The following CDC42BPA variants were observed in gnomAD, a reference collection of about 807,000 sequenced individuals.
CDC42BPA encodes serine/threonine-protein kinase MRCK alpha.
Under a neutral mutation model 223.5 loss-of-function variants are expected in CDC42BPA, and 80 were observed. The observed-to-expected ratio is 0.36, with a 90% confidence interval of 0.30 to 0.43. The LOEUF (loss-of-function observed/expected upper bound fraction) is 0.43. CDC42BPA is among the 20% of genes least tolerant of loss of function. CDC42BPA has a pLI of 1.00. For synonymous variants in CDC42BPA, 694 were observed against 718.6 expected (o/e 0.97, Z 0.55); for missense variants, 1,743 against 2,099.9 (o/e 0.83, Z 3.32).
chr1:227,213,191 T>A lies in CDC42BPA; in HGVS notation c.299A>T (p.Asp100Val), dbSNP rs1674234715. ...EVAVVKLKNA[D>V]KVFAMKILNK... ...CAATATTTTCATGGCAAACACTTTA[T>A]CTGCATTTTTTAGTTTTACTACAGC... Residue 100 changes from aspartate to valine, a missense_variant, in exon 3 of 37, where the codon GAT (aspartate) becomes GTT (valine). This residue lies in a region of CDC42BPA where 321 missense variants were observed against 488.7 expected (regional missense o/e 0.66). Coordinates refer to ENST00000366766, the MANE Select transcript of CDC42BPA (RefSeq NM_001394014.1). 3.8e-6 allele frequency: 6 copies of A among 1,569,810 alleles called. No homozygotes were observed. Among genetic ancestry groups the A allele is most frequent in the Non-Finnish European group, 5.2e-6 (6 of 1,147,228 alleles).
chr1:227,258,028 G>A (rs1294219062), intron 1 of CDC42BPA, among the ~76,000 whole-genome samples: 3 of 150,268 alleles, frequency 2.0e-5, no homozygotes, highest in South Asian at 4.2e-4. Flanking sequence ...TATAAAAATC[G>A]GCCAGACACG....
At chr1:227,200,168 C>T (rs1355937709) in intron 3 of CDC42BPA, among the ~76,000 whole-genome samples, 13 of 152,102 alleles carry the variant, frequency 8.5e-5, no homozygotes, top group Admixed American at 7.2e-4. Context: ...CAGTGGCTCA[C>T]GCCTATAATC....
At chr1:227,072,431 G>A in intron 19 of CDC42BPA, 132 bp from the exon 20 acceptor site, 1 of 589,452 alleles carries the variant, frequency 1.7e-6, no homozygotes, top group South Asian at 2.1e-5. Context: ...ATTACTGCGG[G>A]AAGAACAAAT....
chr1:227,064,859 A>T (rs1288757109), intron 21 of CDC42BPA, among the ~76,000 whole-genome samples: 2 of 152,130 alleles, frequency 1.3e-5, no homozygotes, highest in Non-Finnish European at 2.9e-5. Flanking sequence ...GCACTTTGGG[A>T]GGCCGAGGTG....
chr1:227,048,137 A>C (rs1672833955), intron 22 of CDC42BPA, 127 bp from the exon 23 acceptor site: 1 of 500,654 alleles, frequency 2.0e-6, no homozygotes, highest in East Asian at 3.1e-5. Flanking sequence ...CTAATTAATA[A>C]TAAAGAAAAC....
intron 10 of CDC42BPA, among the ~76,000 whole-genome samples, chr1:227,129,513 T>C (rs1656542114): frequency 6.6e-6 from 1 of 151,056 alleles, no homozygotes; most frequent in South Asian, 2.1e-4. Flanking sequence ...ACAAAAGATA[T>C]AAAAATTGGC....
At chr1:227,048,752 A>AT (rs1672965617) in intron 22 of CDC42BPA, among the ~76,000 whole-genome samples, 4 of 99,896 alleles carry the variant, frequency 4.0e-5, no homozygotes, top group East Asian at 3.4e-4. Flanking sequence ...CAAAGTAGTG[A>AT]GAAAAAAAAA....
intron 14 of CDC42BPA, among the ~76,000 whole-genome samples, chr1:227,104,201 G>T (rs1362746265): frequency 6.6e-6 from 1 of 151,914 alleles, no homozygotes; most frequent in Non-Finnish European, 1.5e-5. Context: ...TTGGCCTCTC[G>T]TATTTGCAAA....
At position 227,317,407 on chromosome 1, in the gene CDC42BPA, C is replaced by T. The variant is rs888493332; in HGVS notation, c.-225G>A. ...TACATATATTTTGAGGGTAAATTAC[C>T]ATAAAATATATACTTAATGCATTTT... On this transcript the variant is annotated 5_prime_UTR_variant, in exon 1 of 37. The change abolishes an upstream ATG in the 5' untranslated region. Transcript: ENST00000366766. 3 of 441,416 alleles carry T rather than the reference C, an allele frequency of 6.8e-6. No individual in the cohort carries two copies. Among genetic ancestry groups the T allele is most frequent in the African/African-American group, 6.1e-5 (3 of 49,202 alleles). The allele number at this position is 441,416 out of a possible 1,614,324, so 27.3% of individuals were successfully genotyped here. A position where few individuals can be genotyped will look rare whatever the true frequency, so the allele number is the denominator to read the frequency against.
intron 1 of CDC42BPA, among the ~76,000 whole-genome samples, chr1:227,314,877 G>C (rs1183527920): frequency 6.6e-6 from 1 of 151,432 alleles, no homozygotes; most frequent in African/African-American, 2.4e-5. Flanking sequence ...ATTTCCACCA[G>C]AGTCCCAAAA....
chr1:227,063,296 G>A (rs1417367006), intron 21 of CDC42BPA, among the ~76,000 whole-genome samples: 2 of 152,032 alleles, frequency 1.3e-5, no homozygotes, highest in Non-Finnish European at 2.9e-5. Flanking sequence ...TTTAAAACAT[G>A]TATTTCATAT....
intron 8 of CDC42BPA, among the ~76,000 whole-genome samples, chr1:227,144,713 G>C (rs1244623937): frequency 2.0e-5 from 3 of 151,674 alleles, no homozygotes; most frequent in Admixed American, 2.0e-4. Flanking sequence ...TACTATGTTG[G>C]CCTGTTTTGG....
intron 14 of CDC42BPA, among the ~76,000 whole-genome samples, chr1:227,106,069 G>A (rs1285508942): frequency 6.6e-6 from 1 of 152,078 alleles, no homozygotes; most frequent in Non-Finnish European, 1.5e-5. Context: ...ACATATAAGG[G>A]TTCCAATTCT....
intron 14 of CDC42BPA, 144 bp from the exon 15 acceptor site, chr1:227,101,383 T>G: frequency 2.1e-6 from 1 of 487,204 alleles, no homozygotes; most frequent in Non-Finnish European, 3.5e-6. Flanking sequence ...TTAAATCTAC[T>G]AACTTTTTGC....
At chr1:227,054,601 C>T (rs1454000764) in intron 21 of CDC42BPA, among the ~76,000 whole-genome samples, 1 of 152,138 alleles carries the variant, frequency 6.6e-6, no homozygotes, top group Non-Finnish European at 1.5e-5. Context: ...GAAAAATACA[C>T]TATCAATTTA....
At chr1:227,138,062 G>C in intron 10 of CDC42BPA, among the ~76,000 whole-genome samples, 1 of 152,022 alleles carries the variant, frequency 6.6e-6, no homozygotes, top group Non-Finnish European at 1.5e-5. Flanking sequence ...TCACAAAAGG[G>C]AAGTAATTCA....
chr1:227,317,639 G>C lies in CDC42BPA; in HGVS notation c.-457C>G. ...GCATCAGCAATTCACTTCCCGGGAA[G>C]AAGAAAAACAGAAAAGGGAGGAAAA... On this transcript the variant is annotated 5_prime_UTR_variant, in exon 1 of 37. Coordinates refer to ENST00000366766, the MANE Select transcript of CDC42BPA (RefSeq NM_001394014.1). 2.5e-6 allele frequency: 1 copy of C among 397,544 alleles called. No individual in the cohort carries two copies. Among genetic ancestry groups the C allele is most frequent in the East Asian group, 3.6e-5 (1 of 28,064 alleles). The allele number at this position is 397,544 out of a possible 1,614,324, so 24.6% of individuals were successfully genotyped here.
chr1:227,217,955 T>C (rs1675161969), intron 2 of CDC42BPA, among the ~76,000 whole-genome samples: 1 of 152,230 alleles, frequency 6.6e-6, no homozygotes, highest in South Asian at 2.1e-4. Flanking sequence ...AAGTACTTTG[T>C]TCATTGTTTG....
chr1:227,192,315 T>TCAA (rs60099414), intron 5 of CDC42BPA, among the ~76,000 whole-genome samples: 15 of 151,738 alleles, frequency 9.9e-5, no homozygotes, highest in African/African-American at 3.6e-4. Context: ...AGCATAGTTC[T>TCAA]GAGTGTGGTC....
Sources: gnomAD v4.1 joint callset for allele counts (sites outside exome capture counted in the v4.1 genomes callset) on GRCh38, gnomAD v4.1.1 for gene constraint, gnomAD v4.1.1 regional missense constraint, MANE v1.5 for transcripts, NCBI Gene and HGNC (gene_info 2026-07-23, HGNC 2026-07-21) for gene names.